The following PAK5 variants were observed in gnomAD, a reference collection of about 807,000 sequenced individuals.
PAK5 encodes the protein serine/threonine-protein kinase PAK 5.
PAK5 carries 16 observed loss-of-function variants against 65.9 expected under a neutral mutation model. That is an observed-to-expected ratio of 0.24 (90% CI 0.16 to 0.37). The LOEUF is 0.37. Among genes scored for constraint, PAK5 ranks in the 10% least tolerant of loss-of-function variants. PAK5 has a pLI of 1.00. For missense variants in PAK5, 785 were observed against 903.9 expected (o/e 0.87, Z 1.69); for synonymous variants, 371 against 354.9 (o/e 1.05, Z -0.51).
chr20:9,832,426 C>T (rs1267079824), intron 1 of PAK5, among the ~76,000 whole-genome samples: 1 of 152,048 alleles, frequency 6.6e-6, no homozygotes, highest in Non-Finnish European at 1.5e-5. Flanking sequence ...GAGTGTGCCA[C>T]CACACCCAGC....
intron 2 of PAK5, among the ~76,000 whole-genome samples, chr20:9,708,555 C>T (rs1360490412): frequency 6.6e-6 from 1 of 152,138 alleles, no homozygotes; most frequent in East Asian, 1.9e-4. Flanking sequence ...TTTGTTGTCA[C>T]TTCTTGTAGC....
In PAK5 at chr20:9,544,382, G is replaced by T; in HGVS notation, c.1856C>A (p.Pro619His). Reference protein sequence around the residue: ...WMAPEVISRLPYGTEVDIWSL... With the variant: ...WMAPEVISRLHYGTEVDIWSL... ...TGACCCCCTTACCTCTGTCCCATAAGGTAGCCTAGAAATCACCTCAGGGGC... is the reference window on the plus strand; with the variant it reads ...TGACCCCCTTACCTCTGTCCCATAATGTAGCCTAGAAATCACCTCAGGGGC... The change falls in exon 8 of 10, where the codon CCT becomes CAT. Residue 619 changes from proline to histidine, a missense_variant. Pro to His is a moderately conservative substitution (Grantham distance 77). This residue lies in a region of PAK5 where 182 missense variants were observed against 273.0 expected (regional missense o/e 0.67). Coordinates refer to ENST00000353224, the MANE Select transcript of PAK5 (RefSeq NM_177990.4). The T allele has an allele frequency of 6.2e-7, 1 of 1,613,918 alleles. No homozygotes were observed. Among genetic ancestry groups the T allele is most frequent in the Non-Finnish European group, 8.5e-7 (1 of 1,179,928 alleles).
intron 1 of PAK5, among the ~76,000 whole-genome samples, chr20:9,747,452 C>T (rs2048521675): frequency 6.6e-6 from 1 of 151,598 alleles, no homozygotes; most frequent in Non-Finnish European, 1.5e-5. Context: ...TACTGGCAAA[C>T]CGAATCCAGC....
intron 1 of PAK5, among the ~76,000 whole-genome samples, chr20:9,835,370 C>T (rs973119265): frequency 6.6e-6 from 1 of 151,972 alleles, no homozygotes; most frequent in African/African-American, 2.4e-5. Flanking sequence ...TGAGTATGAC[C>T]CAGACTGGTA....
At chr20:9,592,761 G>A (rs1341530323) in intron 3 of PAK5, among the ~76,000 whole-genome samples, 1 of 152,174 alleles carries the variant, frequency 6.6e-6, no homozygotes, top group African/African-American at 2.4e-5. Context: ...GATGAACCAT[G>A]CAGTTTAAGC....
In PAK5 at chr20:9,580,169, G is replaced by T; in HGVS notation, c.966C>A (p.Ser322=). The part of the protein sequence containing the change: ...SYNSYTYPRL[S]EPTMCIPKVD... ...CCTTTGGAATGCACATTGTGGGCTC[G>T]GACAAGCGAGGGTAGGTGTAGGAGT... The change falls in exon 4 of 10, where the codon TCC becomes TCA. Residue 322 remains serine (S), a synonymous_variant. Transcript: ENST00000353224. 1 of 1,612,964 alleles carries T rather than the reference G, an allele frequency of 6.2e-7. No individual in the cohort carries two copies. The highest frequency in any genetic ancestry group is 8.5e-7 in the Non-Finnish European group (1 of 1,179,188).
At chr20:9,640,801 C>T (rs1001514412) in intron 3 of PAK5, among the ~76,000 whole-genome samples, 3 of 150,684 alleles carry the variant, frequency 2.0e-5, no homozygotes, top group South Asian at 4.3e-4. Context: ...TGGAGTTGTT[C>T]GTTCCTCCTG....
intron 5 of PAK5, among the ~76,000 whole-genome samples, chr20:9,565,279 T>C (rs531728841): frequency 3.3e-5 from 5 of 152,342 alleles, no homozygotes; most frequent in African/African-American, 1.2e-4. Context: ...AATATTAATG[T>C]AGGCTATTCC....
intron 1 of PAK5, among the ~76,000 whole-genome samples, chr20:9,715,875 A>T (rs1600279808): frequency 7.7e-6 from 1 of 129,416 alleles, no homozygotes; most frequent in African/African-American, 2.9e-5. Flanking sequence ...GAAGGGGAAC[A>T]TCATACACCG....
chr20:9,645,877 C>T lies in PAK5; in HGVS notation c.-11-1538G>A, dbSNP rs141743034. Among the ~76,000 whole-genome samples the T allele has an allele frequency of 1.2e-4, 18 of 152,292 alleles. No homozygotes were observed. The East Asian group carries it at 3.3e-3, about 28-fold the overall frequency. On this transcript the variant is annotated intron_variant, in intron 2 of 9. Coordinates refer to ENST00000353224, the MANE Select transcript of PAK5 (RefSeq NM_177990.4). The stretch of plus-strand genomic sequence containing the variant: ...CTGGGATTACAGGCATGAGCCACTG[C>T]GCCCAGCCTATCTTCCTACACTTCT...
intron 2 of PAK5, among the ~76,000 whole-genome samples, chr20:9,652,830 T>C (rs6056779): frequency 0.047 from 7,207 of 152,254 alleles, 543 homozygotes; most frequent in African/African-American, 0.16. Flanking sequence ...AATCTTTGTT[T>C]CTTATTTGTC....
At position 9,650,517 on chromosome 20, in the gene PAK5, C is replaced by A. The variant is rs181107456; in HGVS notation, c.-11-6178G>T. Among the ~76,000 whole-genome samples the A allele has an allele frequency of 3.9e-5, 6 of 152,276 alleles. No individual in the cohort carries two copies. In the East Asian group the frequency reaches 9.6e-4, roughly 24 times the overall value. ...TAAACTTATTTCTCTGGTTTTCTTG[C>A]CAAAATTCCCCAATATTTACAAGCT... On this transcript the variant is annotated intron_variant, in intron 2 of 9. Transcript: ENST00000353224.
intron 1 of PAK5, among the ~76,000 whole-genome samples, chr20:9,817,276 A>G (rs1315503725): frequency 4.6e-5 from 7 of 152,166 alleles, no homozygotes; most frequent in African/African-American, 1.7e-4. Context: ...TTTTTTAAAA[A>G]TCTATCCAAA....
chr20:9,764,297 C>T (rs1015186526), intron 1 of PAK5, among the ~76,000 whole-genome samples: 1 of 152,122 alleles, frequency 6.6e-6, no homozygotes. Flanking sequence ...TCATAGTTAA[C>T]AGTTTTGGTA....
At chr20:9,553,280 C>T (rs535686554) in intron 7 of PAK5, among the ~76,000 whole-genome samples, 22 of 152,236 alleles carry the variant, frequency 1.4e-4, no homozygotes, top group African/African-American at 4.8e-4. Flanking sequence ...GCTAGTTACC[C>T]GGTGAGTTAC....
chr20:9,728,893 A>G (rs1006265601), intron 1 of PAK5, among the ~76,000 whole-genome samples: 11 of 152,280 alleles, frequency 7.2e-5, no homozygotes, highest in East Asian at 3.9e-4. Context: ...AATAGTTCCT[A>G]TCTGGCTTAC....
intron 2 of PAK5, among the ~76,000 whole-genome samples, chr20:9,675,212 G>A (rs1227938273): frequency 2.6e-5 from 4 of 152,156 alleles, no homozygotes; most frequent in Non-Finnish European, 4.4e-5. Context: ...TAAAAGAGGA[G>A]AAGAGTTAAA....
Position 9,839,019 on chromosome 20 carries a change from T to C in PAK5, c.-419A>G, listed in dbSNP as rs35393103. On this transcript the variant is annotated 5_prime_UTR_variant, in exon 1 of 10. Coordinates refer to ENST00000353224, the MANE Select transcript of PAK5 (RefSeq NM_177990.4). ...CCCCTCGGAGGACTGTCCATGAGCG[T>C]ACGCAGCTGCTCCGGGTTTTCGTGG... is the stretch of plus-strand genomic sequence containing the variant. 2,012 of 152,076 alleles carry C rather than the reference T, an allele frequency of 0.013. 19 individuals carry two copies. The highest frequency in any genetic ancestry group is 0.02 in the East Asian group (101 of 5,136). 9.4% of individuals were successfully genotyped at this position (152,076 alleles called of 1,614,324 possible). A position where few individuals can be genotyped will look rare whatever the true frequency, so the allele number is the denominator to read the frequency against.
chr20:9,722,256 T>C (rs1934057811), intron 1 of PAK5, among the ~76,000 whole-genome samples: 1 of 152,116 alleles, frequency 6.6e-6, no homozygotes, highest in Non-Finnish European at 1.5e-5. Context: ...GTCCTGAGGT[T>C]ATCAATGTTT....
Sources: gnomAD v4.1 joint callset for allele counts (sites outside exome capture counted in the v4.1 genomes callset) on GRCh38, gnomAD v4.1.1 for gene constraint, gnomAD v4.1.1 regional missense constraint, MANE v1.5 for transcripts, NCBI Gene and HGNC (gene_info 2026-07-23, HGNC 2026-07-21) for gene names.